Variants in NCKAP5 observed in about 807,000 individuals in gnomAD.
The protein encoded by NCKAP5 is NCK associated protein 5, also known as nck-associated protein 5.
A neutral mutation model predicts 167.0 loss-of-function variants in NCKAP5; 92 were observed. That is an observed-to-expected ratio of 0.55 (90% CI 0.47 to 0.66). The LOEUF (loss-of-function observed/expected upper bound fraction) is 0.66, where lower values mean the gene tolerates loss of function less well. NCKAP5 is among the 30% of genes least tolerant of loss of function. The pLI, the probability that NCKAP5 is intolerant of heterozygous loss-of-function variation, is 0.00. For synonymous variants in NCKAP5, 891 were observed against 877.4 expected (o/e 1.02, Z -0.27); for missense variants, 2,378 against 2,315.0 (o/e 1.03, Z -0.56).
chr2:132,838,944 C>A (rs1348753044), intron 11 of NCKAP5, among the ~76,000 whole-genome samples: 2 of 152,156 alleles, frequency 1.3e-5, no homozygotes, highest in Non-Finnish European at 2.9e-5. Context: ...CATAAACTTG[C>A]CTTTTCCTGA....
intron 7 of NCKAP5, among the ~76,000 whole-genome samples, chr2:132,974,382 G>A (rs1573603700): frequency 6.6e-6 from 1 of 152,126 alleles, no homozygotes; most frequent in Non-Finnish European, 1.5e-5. Context: ...GAACACAAAA[G>A]ACATAATAAA....
intron 11 of NCKAP5, among the ~76,000 whole-genome samples, chr2:132,825,895 G>A (rs1265457477): frequency 6.6e-6 from 1 of 152,196 alleles, no homozygotes; most frequent in Non-Finnish European, 1.5e-5. Context: ...GCAGCAAAGA[G>A]AACATTAAAT....
At chr2:132,822,361 G>A (rs1209515496) in intron 11 of NCKAP5, among the ~76,000 whole-genome samples, 1 of 152,226 alleles carries the variant, frequency 6.6e-6, no homozygotes. Context: ...TGAGAGACCT[G>A]AAGATGGACC....
Position 133,083,123 on chromosome 2 carries a change from C to G in NCKAP5, c.341+46855G>C, listed in dbSNP as rs1384705407. On this transcript the variant is annotated intron_variant, in intron 6 of 19. Coordinates refer to ENST00000409261, the MANE Select transcript of NCKAP5 (RefSeq NM_207363.3). Reference sequence around the variant, plus strand: ...TCTCTTTAAGTGGTGTTAAGAAAACCCAGTCAACAATATCTAAATAATTAT... The same window carrying G: ...TCTCTTTAAGTGGTGTTAAGAAAACGCAGTCAACAATATCTAAATAATTAT... Among the ~76,000 whole-genome samples the G allele has an allele frequency of 3.3e-5, 5 of 152,034 alleles. No homozygotes were observed. In the East Asian group the frequency reaches 9.6e-4, roughly 29 times the overall value.
At chr2:132,960,386 G>A (rs1043718518) in intron 8 of NCKAP5, among the ~76,000 whole-genome samples, 3 of 152,142 alleles carry the variant, frequency 2.0e-5, no homozygotes, top group African/African-American at 7.2e-5. Context: ...TCTAAGGCGG[G>A]ATCTGGGAAC....
intron 3 of NCKAP5, among the ~76,000 whole-genome samples, chr2:133,308,689 CTTTTTT>C (rs35760716): frequency 6.4e-4 from 38 of 59,274 alleles, no homozygotes; most frequent in African/African-American, 2.3e-3. Context: ...AAATACAATT[CTTTTTT>C]TTTTTTTTTT....
intron 10 of NCKAP5, among the ~76,000 whole-genome samples, chr2:132,865,918 T>C (rs1197583423): frequency 1.3e-5 from 2 of 152,248 alleles, no homozygotes; most frequent in Non-Finnish European, 2.9e-5. Flanking sequence ...TGTAAATGCC[T>C]GCTAAATATA....
intron 5 of NCKAP5, among the ~76,000 whole-genome samples, chr2:133,193,514 T>G (rs2085316507): frequency 6.6e-6 from 1 of 152,130 alleles, no homozygotes; most frequent in South Asian, 2.1e-4. Context: ...TATTAACTTT[T>G]GCAAGAAGAC....
At chr2:132,864,413 C>G (rs1690178331) in intron 10 of NCKAP5, among the ~76,000 whole-genome samples, 1 of 151,732 alleles carries the variant, frequency 6.6e-6, no homozygotes, top group Admixed American at 6.6e-5. Context: ...GTTTTCCTTG[C>G]ACTCTTCATG....
intron 11 of NCKAP5, among the ~76,000 whole-genome samples, chr2:132,803,031 C>T (rs1685157491): frequency 6.6e-6 from 1 of 152,098 alleles, no homozygotes; most frequent in South Asian, 2.1e-4. Flanking sequence ...ATGGTCATTT[C>T]TTAGATTCAC....
At chr2:133,443,693 C>G (rs913795311) in intron 3 of NCKAP5, among the ~76,000 whole-genome samples, 4 of 152,190 alleles carry the variant, frequency 2.6e-5, no homozygotes, top group Admixed American at 6.5e-5. Flanking sequence ...CCAGCTCACC[C>G]CTGAGTCTCC....
In NCKAP5 at chr2:132,832,643, C is replaced by T. The variant is rs185164257; in HGVS notation, c.807+27849G>A. On this transcript the variant is annotated intron_variant, in intron 11 of 19. Transcript: ENST00000409261. ...GATTTGACTTTCTGTGTCTGGCTTGCTTCACTTAAGAAAATGACCTCCAGT... is the reference window on the plus strand; with the variant it reads ...GATTTGACTTTCTGTGTCTGGCTTGTTTCACTTAAGAAAATGACCTCCAGT... 1.4e-3 allele frequency among the ~76,000 whole-genome samples: 208 copies of T among 152,258 alleles called. 1 individual carries two copies. Among genetic ancestry groups the T allele is most frequent in the African/African-American group, 4.7e-3 (197 of 41,562 alleles).
At chr2:133,350,405 C>G (rs781567206) in intron 3 of NCKAP5, among the ~76,000 whole-genome samples, 1 of 151,934 alleles carries the variant, frequency 6.6e-6, no homozygotes, top group African/African-American at 2.4e-5. Context: ...AAAGAAAGAC[C>G]CTGTCTCTAA....
At position 133,010,664 on chromosome 2, in the gene NCKAP5, T is replaced by A. The variant is rs534691140; in HGVS notation, c.342-16425A>T. 9.2e-5 allele frequency among the ~76,000 whole-genome samples: 14 copies of A among 152,316 alleles called. 1 individual carries two copies. The South Asian group carries it at 2.9e-3, about 32-fold the overall frequency. ...TGTTGCTAAGAAAGAACTGCTATGA[T>A]AAAACCAATACCAATAACCACAACA... On this transcript the variant is annotated intron_variant, in intron 6 of 19. Coordinates refer to ENST00000409261, the MANE Select transcript of NCKAP5 (RefSeq NM_207363.3).
At chr2:133,490,809 T>C (rs1681372864) in intron 3 of NCKAP5, among the ~76,000 whole-genome samples, 1 of 152,240 alleles carries the variant, frequency 6.6e-6, no homozygotes, top group African/African-American at 2.4e-5. Flanking sequence ...ACTACAAGTT[T>C]TTCCAAGGAA....
At chr2:133,196,203 A>G (rs1479534270) in intron 5 of NCKAP5, among the ~76,000 whole-genome samples, 2 of 152,188 alleles carry the variant, frequency 1.3e-5, no homozygotes, top group African/African-American at 2.4e-5. Context: ...TCAACTGGAA[A>G]TGATGGGTGA....
intron 8 of NCKAP5, among the ~76,000 whole-genome samples, chr2:132,932,868 C>G (rs1426523738): frequency 6.6e-6 from 1 of 150,446 alleles, no homozygotes; most frequent in Non-Finnish European, 1.5e-5. Flanking sequence ...TAAAGGTAAA[C>G]AGGCGTAGTT....
At chr2:133,529,200 G>A (rs1367361216) in intron 2 of NCKAP5, among the ~76,000 whole-genome samples, 2 of 151,970 alleles carry the variant, frequency 1.3e-5, no homozygotes, top group African/African-American at 2.4e-5. Context: ...AAAGATATAA[G>A]CTATAACAAA....
At chr2:133,032,804 C>A (rs909260641) in intron 6 of NCKAP5, among the ~76,000 whole-genome samples, 5 of 152,072 alleles carry the variant, frequency 3.3e-5, no homozygotes, top group Middle Eastern at 3.2e-3. Flanking sequence ...GTTGGGGAGG[C>A]CTCAGGAAAC....
Sources: gnomAD v4.1 joint callset for allele counts (sites outside exome capture counted in the v4.1 genomes callset) on GRCh38, gnomAD v4.1.1 for gene constraint, MANE v1.5 for transcripts, NCBI Gene and HGNC (gene_info 2026-07-23, HGNC 2026-07-21) for gene names.